Variants in GPR55 observed in about 807,000 individuals in gnomAD.
The protein encoded by GPR55 is G protein-coupled receptor 55, also known as G-protein coupled receptor 55.
In GPR55, 6 loss-of-function variants were observed where a neutral mutation model predicts 7.9. The observed-to-expected ratio is 0.76, with a 90% CI of 0.41 to 1.49. The LOEUF is 1.49. Among genes scored for constraint, GPR55 ranks in the 40% most tolerant of loss-of-function variants. GPR55 has a pLI of 0.01. For synonymous variants in GPR55, 183 were observed against 166.8 expected, an observed-to-expected ratio of 1.10 and a Z score of -0.75; for missense variants, 376 against 406.0, an observed-to-expected ratio of 0.93 and a Z score of 0.63.
intron 1 of GPR55, among the ~76,000 whole-genome samples, chr2:230,936,327 G>C (rs767472149): frequency 1.3e-5 from 2 of 152,096 alleles, no homozygotes; most frequent in Non-Finnish European, 2.9e-5. Flanking sequence ...GGAGGAACCT[G>C]GTAGGAGGTA....
At chr2:230,937,092 T>C (rs1691143706) in intron 1 of GPR55, among the ~76,000 whole-genome samples, 1 of 152,132 alleles carries the variant, frequency 6.6e-6, no homozygotes, top group Admixed American at 6.5e-5. Flanking sequence ...GCTGTACGAC[T>C]GGAAACATTA....
At chr2:230,913,060 T>C (rs1690629252) in intron 1 of GPR55, among the ~76,000 whole-genome samples, 2 of 152,232 alleles carry the variant, frequency 1.3e-5, no homozygotes, top group Non-Finnish European at 2.9e-5. Flanking sequence ...TTTTCGCTCA[T>C]CAATGTTTCT....
chr2:230,951,689 C>T (rs898417698), intron 1 of GPR55, among the ~76,000 whole-genome samples: 3 of 151,838 alleles, frequency 2.0e-5, no homozygotes, highest in Non-Finnish European at 2.9e-5. Context: ...TGAGGGTAAG[C>T]AGGGATTTTT....
chr2:230,950,282 A>C (rs150697648), intron 1 of GPR55, among the ~76,000 whole-genome samples: 3 of 152,350 alleles, frequency 2.0e-5, no homozygotes, highest in African/African-American at 7.2e-5. Flanking sequence ...GGCAGAATGC[A>C]GAGTGTGCTG....
At chr2:230,916,516 C>A (rs1280489281) in intron 1 of GPR55, among the ~76,000 whole-genome samples, 1 of 151,020 alleles carries the variant, frequency 6.6e-6, no homozygotes, top group East Asian at 1.9e-4. Context: ...AGAGTGAGAC[C>A]CTCTCTCTAA....
At chr2:230,961,054 C>G (rs1691558538) in exon 1 of GPR55, 1 of 151,234 alleles carries the variant, frequency 6.6e-6, no homozygotes, top group Non-Finnish European at 1.5e-5. Context: ...ATTTTGAAAG[C>G]CCAGAGCATT....
At chr2:230,947,553 G>C (rs537026505) in intron 1 of GPR55, among the ~76,000 whole-genome samples, 2 of 146,080 alleles carry the variant, frequency 1.4e-5, no homozygotes, top group South Asian at 4.3e-4. Context: ...TCTCAGGCTA[G>C]AGTGCAGTAG....
Position 230,911,232 on chromosome 2 carries a change from G to C in GPR55, c.-134-136C>G, listed in dbSNP as rs912754979. ...CACACATTTTTCTTTGACAAATATA[G>C]AACCTGCTGTGCATGGACATCTGTC... is the stretch of plus-strand genomic sequence containing the variant. On this transcript the variant is annotated intron_variant, in intron 1 of 1. Coordinates refer to ENST00000650999, the MANE Select transcript of GPR55 (RefSeq NM_005683.4). 1.8e-5 allele frequency: 8 copies of C among 451,380 alleles called. No individual in the cohort carries two copies. In the Admixed American group the frequency reaches 3.0e-4, roughly 17 times the overall value. 28.0% of individuals were successfully genotyped at this position (451,380 alleles called of 1,614,324 possible).
intron 1 of GPR55, among the ~76,000 whole-genome samples, chr2:230,937,419 T>G (rs912594288): frequency 1.8e-5 from 1 of 54,192 alleles, no homozygotes; most frequent in Non-Finnish European, 3.0e-5. Flanking sequence ...AGAGATAAAT[T>G]CTTTTTCAAA....
intron 1 of GPR55, chr2:230,957,518 G>C (rs1691509882): frequency 2.7e-6 from 1 of 363,964 alleles, no homozygotes; most frequent in Non-Finnish European, 5.3e-6. Context: ...GGGACGGGGA[G>C]GGGCGCGGCT....
At chr2:230,930,859 A>G (rs1194797754) in intron 1 of GPR55, among the ~76,000 whole-genome samples, 3 of 151,986 alleles carry the variant, frequency 2.0e-5, no homozygotes. Flanking sequence ...ACCTATCTTC[A>G]CCCTTCTGTA....
chr2:230,953,251 GGTGA>G lies in GPR55; in HGVS notation c.-135+7520_-135+7523del, dbSNP rs375747870. ...TGTCTAGGTACAAATCTCAAGAACT[GGTGA>G]GTATGTTAAATTACATGGCAAATTA... On this transcript the variant is annotated intron_variant, in intron 1 of 1. Transcript: ENST00000392039. Among the ~76,000 whole-genome samples the G allele has an allele frequency of 3.0e-3, 458 of 152,310 alleles. 2 individuals carry two copies. Among genetic ancestry groups the G allele is most frequent in the African/African-American group, 0.01 (433 of 41,546 alleles).
intron 1 of GPR55, among the ~76,000 whole-genome samples, chr2:230,938,650 C>T (rs1691170955): frequency 1.3e-5 from 2 of 152,196 alleles, no homozygotes; most frequent in Admixed American, 6.5e-5. Flanking sequence ...CCGGAAAATC[C>T]GAGGCTGTCC....
At chr2:230,911,900 G>A (rs1690601655) in intron 1 of GPR55, among the ~76,000 whole-genome samples, 1 of 152,156 alleles carries the variant, frequency 6.6e-6, no homozygotes, top group East Asian at 1.9e-4. Flanking sequence ...TCAATTTGGG[G>A]TGAGGGGGTG....
intron 1 of GPR55, among the ~76,000 whole-genome samples, chr2:230,960,432 G>A (rs1364034286): frequency 6.6e-6 from 1 of 152,100 alleles, no homozygotes; most frequent in African/African-American, 2.4e-5. Flanking sequence ...ATGATTCTGG[G>A]CCTCTGTAAC....
At chr2:230,939,359 G>T (rs1182247847) in intron 1 of GPR55, among the ~76,000 whole-genome samples, 1 of 152,200 alleles carries the variant, frequency 6.6e-6, no homozygotes, top group African/African-American at 2.4e-5. Flanking sequence ...AGAAGGGAGG[G>T]TCTTCAAGGG....
At chr2:230,934,706 T>C (rs986094149) in intron 1 of GPR55, among the ~76,000 whole-genome samples, 1 of 152,066 alleles carries the variant, frequency 6.6e-6, no homozygotes, top group Non-Finnish European at 1.5e-5. Flanking sequence ...GGGGTGAGGA[T>C]GACCATCTGT....
chr2:230,948,096 C>T (rs1193756878), intron 1 of GPR55, among the ~76,000 whole-genome samples: 8 of 152,146 alleles, frequency 5.3e-5, no homozygotes, highest in Admixed American at 5.2e-4. Flanking sequence ...CAGTTGCCAC[C>T]GCCGCCCACC....
At chr2:230,956,852 A>T (rs1691489682) in intron 1 of GPR55, among the ~76,000 whole-genome samples, 2 of 152,054 alleles carry the variant, frequency 1.3e-5, no homozygotes, top group Non-Finnish European at 1.5e-5. Flanking sequence ...ACATTCTTGG[A>T]GAGCCTAACG....
Sources: gnomAD v4.1 joint callset for allele counts (sites outside exome capture counted in the v4.1 genomes callset) on GRCh38, gnomAD v4.1.1 for gene constraint, MANE v1.5 for transcripts, NCBI Gene and HGNC (gene_info 2026-07-23, HGNC 2026-07-21) for gene names.